The following RBFOX3 variants were observed in gnomAD, a reference collection of about 807,000 sequenced individuals.
RBFOX3 encodes RNA binding protein fox-1 homolog 3.
A neutral mutation model predicts 48.7 loss-of-function variants in RBFOX3; 17 were observed. The observed-to-expected ratio is 0.35, with a 90% CI of 0.24 to 0.52. The LOEUF is 0.52. RBFOX3 is among the 20% of genes least tolerant of loss of function. The pLI is 0.94. For missense variants in RBFOX3, 382 were observed against 497.5 expected (o/e 0.77, Z 2.21); for synonymous variants, 212 against 209.5 (o/e 1.01, Z -0.10).
chr17:79,261,260 T>C (rs1471218481), intron 3 of RBFOX3, among the ~76,000 whole-genome samples: 2 of 152,104 alleles, frequency 1.3e-5, no homozygotes, highest in African/African-American at 2.4e-5. Context: ...CACTGATGTG[T>C]CTCCAGAGCC....
chr17:79,349,704 G>A (rs1224633944), intron 2 of RBFOX3, among the ~76,000 whole-genome samples: 2 of 152,042 alleles, frequency 1.3e-5, no homozygotes, highest in African/African-American at 4.8e-5. Flanking sequence ...CCGGGGCTCA[G>A]CCCAGCCCTG....
chr17:79,115,283 G>A (rs539161292), intron 5 of RBFOX3, among the ~76,000 whole-genome samples: 17 of 152,334 alleles, frequency 1.1e-4, no homozygotes, highest in South Asian at 6.2e-4. Context: ...GCTCCTTGGC[G>A]CCGGGGGTCG....
intron 1 of RBFOX3, among the ~76,000 whole-genome samples, chr17:79,595,127 C>G (rs1483684791): frequency 6.6e-6 from 1 of 151,870 alleles, no homozygotes; most frequent in Non-Finnish European, 1.5e-5. Flanking sequence ...ATGACCCCCA[C>G]CCCCGCCTGG....
intron 4 of RBFOX3, among the ~76,000 whole-genome samples, chr17:79,210,735 G>A (rs1335175003): frequency 6.6e-6 from 1 of 152,200 alleles, no homozygotes; most frequent in Non-Finnish European, 1.5e-5. Context: ...CCCTCCATCT[G>A]CACGTCTGGT....
At chr17:79,626,844 C>T in the RBFOX3 span, among the ~76,000 whole-genome samples, 5 of 152,186 alleles carry the variant, frequency 3.3e-5, no homozygotes, top group Admixed American at 3.3e-4. Flanking sequence ...GGGGCTCAGC[C>T]ACCTGCCTCC....
intron 2 of RBFOX3, among the ~76,000 whole-genome samples, chr17:79,411,247 A>G (rs78060375): frequency 0.057 from 8,657 of 151,994 alleles, 591 homozygotes; most frequent in African/African-American, 0.17. Flanking sequence ...CTTCTGAACT[A>G]TATCGAAGGG....
intron 1 of RBFOX3, among the ~76,000 whole-genome samples, chr17:79,559,947 CGGTGGTGAAT>C (rs2092095531): frequency 1.0e-5 from 1 of 98,296 alleles, no homozygotes; most frequent in Non-Finnish European, 2.0e-5. Flanking sequence ...GGTGGATGGT[CGGTGGTGAAT>C]GAATGGGTGG....
chr17:79,419,362 T>C (rs1555720815), intron 2 of RBFOX3, among the ~76,000 whole-genome samples: 2 of 152,188 alleles, frequency 1.3e-5, no homozygotes, highest in African/African-American at 4.8e-5. Context: ...AAACCAAAGA[T>C]GAGCCAACGC....
At chr17:79,301,024 C>T (rs2075227159) in intron 3 of RBFOX3, among the ~76,000 whole-genome samples, 1 of 152,234 alleles carries the variant, frequency 6.6e-6, no homozygotes, top group South Asian at 2.1e-4. Context: ...TCCTCACCAT[C>T]ACCTCCTGAA....
intron 4 of RBFOX3, among the ~76,000 whole-genome samples, chr17:79,206,332 G>A (rs1358868278): frequency 6.6e-6 from 1 of 152,144 alleles, no homozygotes; most frequent in Non-Finnish European, 1.5e-5. Context: ...GTAGGTCCCA[G>A]AGCAAACGAG....
chr17:79,186,847 C>T (rs925574874), intron 4 of RBFOX3, among the ~76,000 whole-genome samples: 3 of 152,238 alleles, frequency 2.0e-5, no homozygotes, highest in Non-Finnish European at 4.4e-5. Context: ...CTTTGGAGAT[C>T]TCCTGGCTCC....
chr17:79,657,744 T>C, the RBFOX3 span, among the ~76,000 whole-genome samples: 1 of 15,876 alleles, frequency 6.3e-5, no homozygotes, highest in Admixed American at 1.5e-3. Flanking sequence ...ATGCAGTGGG[T>C]CACCACAAAA....
chr17:79,114,539 T>C (rs1220448601), intron 5 of RBFOX3, among the ~76,000 whole-genome samples: 2 of 152,188 alleles, frequency 1.3e-5, no homozygotes, highest in Non-Finnish European at 2.9e-5. Context: ...GGAAGGCTCC[T>C]ATCTGCGTCC....
At chr17:79,515,165 C>T (rs1429569970) in intron 1 of RBFOX3, among the ~76,000 whole-genome samples, 2 of 152,176 alleles carry the variant, frequency 1.3e-5, no homozygotes, top group Admixed American at 6.5e-5. Flanking sequence ...AGACCCTTTC[C>T]GGAGGAGCAA....
In RBFOX3 at chr17:79,214,251, G is replaced by T. The variant is rs978224983; in HGVS notation, c.-34+21515C>A. Among the ~76,000 whole-genome samples the T allele has an allele frequency of 6.6e-6, 1 of 152,270 alleles. No individual in the cohort carries two copies. The highest frequency in any genetic ancestry group is 1.9e-4 in the East Asian group (1 of 5,182). On this transcript the variant is annotated intron_variant, in intron 4 of 14. Transcript: ENST00000693108. This position sits in a 1 kb window ranked among gnomAD's most constrained non-coding sequence, Gnocchi z 4.7. ...CGCACGGAGCTATCTCACTTACAAC[G>T]TGAAAGTGGCTGTGTGTTGGTTGCC...
At chr17:79,462,320 C>T (rs2075477761) in intron 2 of RBFOX3, among the ~76,000 whole-genome samples, 1 of 152,200 alleles carries the variant, frequency 6.6e-6, no homozygotes, top group Non-Finnish European at 1.5e-5. Context: ...TGACCTTGGG[C>T]AAGTTCTCTA....
At chr17:79,337,399 G>A (rs967528191) in intron 2 of RBFOX3, among the ~76,000 whole-genome samples, 1 of 152,182 alleles carries the variant, frequency 6.6e-6, no homozygotes, top group East Asian at 1.9e-4. Context: ...ATGCACTCTC[G>A]TGTGTTTGCA....
At chr17:79,151,008 A>C (rs182765433) in intron 4 of RBFOX3, among the ~76,000 whole-genome samples, 1,529 of 152,254 alleles carry the variant, frequency 0.01, 13 homozygotes, top group Non-Finnish European at 0.013. Flanking sequence ...GGCTCTCACC[A>C]GGGCAAGGCC....
chr17:79,171,649 A>ATTAG (rs745527228), intron 4 of RBFOX3, among the ~76,000 whole-genome samples: 95 of 57,840 alleles, frequency 1.6e-3, no homozygotes, highest in Non-Finnish European at 2.5e-3. Context: ...TTAAAAAAAA[A>ATTAG]ATAGATCTTG....
Sources: allele counts gnomAD v4.1 joint callset (sites outside exome capture counted in the v4.1 genomes callset), GRCh38; gene constraint gnomAD v4.1.1; non-coding constraint Gnocchi (gnomAD v3.1); transcripts MANE v1.5; gene names NCBI Gene and HGNC (gene_info 2026-07-23, HGNC 2026-07-21).